The following OR9Q1 variants were observed in gnomAD, a reference collection of about 807,000 sequenced individuals.
OR9Q1 encodes olfactory receptor family 9 subfamily Q member 1.
For synonymous variants in OR9Q1, 153 were observed against 148.6 expected, an observed-to-expected ratio of 1.03 and a Z score of -0.22; for missense variants, 374 against 378.8, an observed-to-expected ratio of 0.99 and a Z score of 0.11.
intron 2 of OR9Q1, among the ~76,000 whole-genome samples, chr11:58,170,943 A>T (rs975365471): frequency 1.3e-5 from 2 of 152,182 alleles, no homozygotes; most frequent in Non-Finnish European, 2.9e-5. Context: ...TCCATGATGT[A>T]TCAAGCCCAC....
intron 2 of OR9Q1, among the ~76,000 whole-genome samples, chr11:58,140,048 A>G (rs923070702): frequency 6.6e-6 from 1 of 151,970 alleles, no homozygotes; most frequent in Non-Finnish European, 1.5e-5. Flanking sequence ...GATGATGAGC[A>G]TTTTTTCATG....
chr11:58,153,727 AC>A (rs1854376867), intron 2 of OR9Q1, among the ~76,000 whole-genome samples: 1 of 152,200 alleles, frequency 6.6e-6, no homozygotes, highest in Non-Finnish European at 1.5e-5. Context: ...AGAAAGTAGC[AC>A]AGTTTCTGGA....
chr11:58,104,498 G>A (rs375725650), intron 2 of OR9Q1, among the ~76,000 whole-genome samples: 2 of 151,998 alleles, frequency 1.3e-5, no homozygotes, highest in African/African-American at 4.8e-5. Flanking sequence ...TTTTGTACAG[G>A]CAAAACATAA....
intron 2 of OR9Q1, among the ~76,000 whole-genome samples, chr11:58,151,498 A>G (rs1486339902): frequency 1.3e-5 from 2 of 152,212 alleles, no homozygotes; most frequent in Admixed American, 1.3e-4. Context: ...CAGAAGACGG[A>G]ATGACAGTTT....
At chr11:58,056,163 G>T (rs1590561527) in intron 2 of OR9Q1, among the ~76,000 whole-genome samples, 1 of 152,216 alleles carries the variant, frequency 6.6e-6, no homozygotes, top group African/African-American at 2.4e-5. Flanking sequence ...GGTGTTTGCT[G>T]ATTTCCCTGG....
intron 2 of OR9Q1, among the ~76,000 whole-genome samples, chr11:58,070,483 T>A (rs1191576903): frequency 6.6e-6 from 1 of 152,112 alleles, no homozygotes; most frequent in African/African-American, 2.4e-5. Flanking sequence ...TACCTTGAGG[T>A]CCCAATGCTC....
At chr11:58,098,540 A>G (rs1220765828) in intron 2 of OR9Q1, among the ~76,000 whole-genome samples, 1 of 152,192 alleles carries the variant, frequency 6.6e-6, no homozygotes, top group Non-Finnish European at 1.5e-5. Flanking sequence ...AGGCTGAGGC[A>G]GGAGAATGGC....
intron 2 of OR9Q1, among the ~76,000 whole-genome samples, chr11:58,121,636 T>C (rs1385260563): frequency 6.6e-6 from 1 of 152,202 alleles, no homozygotes; most frequent in African/African-American, 2.4e-5. Flanking sequence ...CTTCCTCAGG[T>C]TGGAATCTGC....
intron 2 of OR9Q1, among the ~76,000 whole-genome samples, chr11:58,133,326 C>A (rs1030919924): frequency 6.6e-6 from 1 of 152,154 alleles, no homozygotes; most frequent in African/African-American, 2.4e-5. Flanking sequence ...TAGATGAGCT[C>A]ATGCAGAGAT....
At chr11:58,148,303 A>G in intron 2 of OR9Q1, among the ~76,000 whole-genome samples, 1 of 151,610 alleles carries the variant, frequency 6.6e-6, no homozygotes, top group East Asian at 1.9e-4. Flanking sequence ...CTTTGGCAGA[A>G]GTGTGTATAT....
intron 1 of OR9Q1, among the ~76,000 whole-genome samples, chr11:58,032,796 A>G (rs1853055660): frequency 6.6e-6 from 1 of 152,250 alleles, no homozygotes; most frequent in African/African-American, 2.4e-5. Flanking sequence ...GCACAGTAAA[A>G]TAAACTGTTG....
chr11:58,171,221 G>C (rs142512356), intron 2 of OR9Q1: 9 of 152,306 alleles, frequency 5.9e-5, no homozygotes, highest in Admixed American at 2.6e-4. Flanking sequence ...GCAGAAGCTG[G>C]TGACTGCATA....
At chr11:58,134,311 G>A (rs542323752) in intron 2 of OR9Q1, among the ~76,000 whole-genome samples, 2 of 152,298 alleles carry the variant, frequency 1.3e-5, no homozygotes, top group African/African-American at 4.8e-5. Context: ...TCTGAAAGGA[G>A]GAGCATCCCA....
chr11:58,031,248 C>T (rs760183381), intron 1 of OR9Q1: 7 of 1,614,190 alleles, frequency 4.3e-6, no homozygotes, highest in South Asian at 1.1e-5. Flanking sequence ...ATCTCTTATG[C>T]TGATTGCCTA....
chr11:58,174,570 A>C (rs1854586530), intron 2 of OR9Q1, among the ~76,000 whole-genome samples: 1 of 151,398 alleles, frequency 6.6e-6, no homozygotes, highest in South Asian at 2.1e-4. Context: ...AATCTTCAAA[A>C]AATTTTCTAG....
intron 2 of OR9Q1, chr11:58,125,549 C>T (rs902459172): frequency 8.5e-5 from 13 of 152,126 alleles, no homozygotes; most frequent in African/African-American, 2.9e-4. Flanking sequence ...AGCTGACTGA[C>T]TTTAGGTTTT....
chr11:58,048,591 C>A (rs1853243888), intron 1 of OR9Q1, among the ~76,000 whole-genome samples: 1 of 150,684 alleles, frequency 6.6e-6, no homozygotes, highest in African/African-American at 2.4e-5. Flanking sequence ...AACCCTTGAA[C>A]TCAGGAGGTG....
At chr11:58,060,310 A>G (rs755795201) in intron 2 of OR9Q1, among the ~76,000 whole-genome samples, 10 of 152,200 alleles carry the variant, frequency 6.6e-5, no homozygotes, top group Non-Finnish European at 1.2e-4. Flanking sequence ...GATTTTGACT[A>G]TAATAGATGG....
chr11:58,039,165 T>G (rs1196052548), intron 1 of OR9Q1, among the ~76,000 whole-genome samples: 1 of 152,134 alleles, frequency 6.6e-6, no homozygotes, highest in Non-Finnish European at 1.5e-5. Context: ...AATTTTTGTA[T>G]TTTTAGTAGA....
Sources: gnomAD v4.1 joint callset for allele counts (sites outside exome capture counted in the v4.1 genomes callset) on GRCh38, gnomAD v4.1.1 for gene constraint, MANE v1.5 for transcripts, NCBI Gene and HGNC (gene_info 2026-07-23, HGNC 2026-07-21) for gene names.